The following LAMC1 variants were observed in gnomAD, a reference collection of about 807,000 sequenced individuals.
The protein encoded by LAMC1 is laminin subunit gamma 1.
Under a neutral mutation model 173.6 loss-of-function variants are expected in LAMC1, and 38 were observed. The ratio of observed to expected loss-of-function variants is 0.22; its 90% CI spans 0.17 to 0.29. The LOEUF (loss-of-function observed/expected upper bound fraction) is 0.29, where lower values mean the gene tolerates loss of function less well. Ranked by LOEUF, LAMC1 falls within the 10% of genes least tolerant of loss-of-function variation. LAMC1 has a pLI of 1.00. For synonymous variants in LAMC1, 746 were observed against 749.1 expected (o/e 1.00, Z 0.07); for missense variants, 1,824 against 2,051.8 (o/e 0.89, Z 2.14).
rs1020621795 is a variant in LAMC1, at chr1:183,122,142, A to G, written c.2292A>G (p.Ala764=). The G allele has an allele frequency of 7.4e-6, 12 of 1,614,092 alleles. No homozygotes were observed. The highest frequency in any genetic ancestry group is 5.0e-5 in the Admixed American group (3 of 60,008). Reference sequence around the variant, plus strand: ...ATGGGTACTATGGAGATTCAACTGCAGGCACCTCCTCCGATTGCCAACCCT... The same window carrying G: ...ATGGGTACTATGGAGATTCAACTGCGGGCACCTCCTCCGATTGCCAACCCT... ...CSDGYYGDST[A]GTSSDCQPCP... is the part of the protein sequence containing the mutation. Residue 764 remains alanine (A), a synonymous_variant, in exon 13 of 28, where the codon GCA becomes GCG. Transcript: ENST00000258341.
chr1:183,106,915 G>A (rs531748912), intron 2 of LAMC1, among the ~76,000 whole-genome samples: 1 of 152,218 alleles, frequency 6.6e-6, no homozygotes, highest in South Asian at 2.1e-4. Flanking sequence ...TGTACCCTCG[G>A]CTGAAACCAG....
chr1:183,078,918 C>A (rs1655188227), intron 1 of LAMC1, among the ~76,000 whole-genome samples: 1 of 152,026 alleles, frequency 6.6e-6, no homozygotes, highest in Admixed American at 6.6e-5. Flanking sequence ...TCGCTTGAAC[C>A]CAGGAGGCAG....
In LAMC1 at chr1:183,110,512, C is replaced by T. The variant is rs755836526; in HGVS notation, c.879C>T (p.Ser293=). 15 of 1,612,622 alleles carry T rather than the reference C, an allele frequency of 9.3e-6. No individual in the cohort carries two copies. Among genetic ancestry groups the T allele is most frequent in the East Asian group, 2.2e-5 (1 of 44,846 alleles). Reference sequence around the variant, plus strand: ...GATGTAAATGTAATGGACACGCAAGCGAGTGTATGAAGAACGAATTTGATA... The same window carrying T: ...GATGTAAATGTAATGGACACGCAAGTGAGTGTATGAAGAACGAATTTGATA... The part of the protein sequence containing the change: ...GGRCKCNGHA[S]ECMKNEFDKL... Residue 293 remains serine (S), a synonymous_variant, in exon 4 of 28, where the codon AGC becomes AGT. Transcript: ENST00000258341.
At chr1:183,061,520 G>T (rs1234483041) in intron 1 of LAMC1, among the ~76,000 whole-genome samples, 2 of 152,018 alleles carry the variant, frequency 1.3e-5, no homozygotes, top group Non-Finnish European at 2.9e-5. Flanking sequence ...GGTTGTTGTT[G>T]ATAGTGCTTT....
chr1:183,072,756 T>C (rs1372782652), intron 1 of LAMC1, among the ~76,000 whole-genome samples: 1 of 152,210 alleles, frequency 6.6e-6, no homozygotes, highest in Non-Finnish European at 1.5e-5. Flanking sequence ...TGGCCTGAGC[T>C]CTGCCTTCTG....
chr1:183,079,324 A>G (rs1485426181), intron 1 of LAMC1, among the ~76,000 whole-genome samples: 10 of 129,842 alleles, frequency 7.7e-5, no homozygotes, highest in Non-Finnish European at 3.1e-5. Flanking sequence ...GTGTGATCTC[A>G]GCTCACTGCA....
intron 1 of LAMC1, among the ~76,000 whole-genome samples, chr1:183,039,986 A>G (rs909135482): frequency 6.6e-6 from 1 of 152,154 alleles, no homozygotes; most frequent in Non-Finnish European, 1.5e-5. Context: ...CTGTGAGAGG[A>G]GAGGCTGCTT....
intron 1 of LAMC1, among the ~76,000 whole-genome samples, chr1:183,041,673 C>G (rs1654136437): frequency 6.6e-6 from 1 of 152,084 alleles, no homozygotes; most frequent in Non-Finnish European, 1.5e-5. Context: ...CTGCATAGTA[C>G]CGGAGACAGG....
At chr1:183,122,018 A>ATAC in intron 12 of LAMC1, 45 bp from the exon 13 acceptor site, 1 of 1,608,816 alleles carries the variant, frequency 6.2e-7, no homozygotes, top group Non-Finnish European at 8.5e-7. Context: ...ATTGTCTTAT[A>ATAC]TACTTGTACA....
intron 11 of LAMC1, among the ~76,000 whole-genome samples, chr1:183,119,454 A>G (rs1656410778): frequency 6.6e-6 from 1 of 152,224 alleles, no homozygotes; most frequent in Non-Finnish European, 1.5e-5. Context: ...ATGGGCAATA[A>G]TTTTTAAACT....
chr1:183,086,729 A>G (rs2102055473), intron 1 of LAMC1, among the ~76,000 whole-genome samples: 1 of 152,368 alleles, frequency 6.6e-6, no homozygotes, highest in Admixed American at 6.5e-5. Context: ...GACTCGACTG[A>G]GTACAGAATA....
chr1:183,098,089 C>T lies in LAMC1; in HGVS notation c.419-5239C>T, dbSNP rs527923845. On this transcript the variant is annotated intron_variant, in intron 1 of 27. Coordinates refer to ENST00000258341, the MANE Select transcript of LAMC1 (RefSeq NM_002293.4). ...CCATACTGTCTACTTTCACTTGCTC[C>T]CGCAGCATGTTGATAATCTAGTAGT... 1.2e-4 allele frequency among the ~76,000 whole-genome samples: 18 copies of T among 152,210 alleles called. No homozygotes were observed. The South Asian group carries it at 3.3e-3, about 28-fold the overall frequency.
At position 183,117,751 on chromosome 1, in the gene LAMC1, A is replaced by T. The variant is rs1656363147; in HGVS notation, c.1877+28A>T. 3.2e-6 allele frequency: 5 copies of T among 1,577,034 alleles called. No homozygotes were observed. In the East Asian group the frequency reaches 1.1e-4, roughly 35 times the overall value. On this transcript the variant is annotated intron_variant, in intron 10 of 27. Transcript: ENST00000258341. The stretch of plus-strand genomic sequence containing the variant: ...AAGATAGCCTTCTTTGTAAAGTGAG[A>T]CTTGACGAACATTGTGAAAGTGGTG...
intron 6 of LAMC1, among the ~76,000 whole-genome samples, chr1:183,115,955 C>T (rs139828630): frequency 0.012 from 1,779 of 151,824 alleles, 29 homozygotes; most frequent in African/African-American, 0.038. Flanking sequence ...GGTGAAACCC[C>T]GTCTATACTA....
At position 183,132,551 on chromosome 1, in the gene LAMC1, G is replaced by A. The variant is rs12095664; in HGVS notation, c.3704+14G>A. ...GCTTAATAGGAAGTGAGTATAATTT[G>A]AAAGTGGTTTACACCCCTTCAGGTG... is the stretch of plus-strand genomic sequence containing the variant. On this transcript the variant is annotated intron_variant, in intron 21 of 27. Coordinates refer to ENST00000258341, the MANE Select transcript of LAMC1 (RefSeq NM_002293.4). The A allele has an allele frequency of 0.57, 910,627 of 1,605,040 alleles. 261,863 individuals are homozygous for A. The highest frequency in any genetic ancestry group is 0.66 in the Admixed American group (39,611 of 59,794).
chr1:183,140,335 T>C, intron 26 of LAMC1, 69 bp from the exon 27 acceptor site: 2 of 896,696 alleles, frequency 2.2e-6, no homozygotes, highest in South Asian at 3.9e-5. Context: ...TGTTGGGTCA[T>C]TGGGAAAAAA....
chr1:183,113,536 A>G (rs1558052053), intron 4 of LAMC1, among the ~76,000 whole-genome samples: 1 of 152,192 alleles, frequency 6.6e-6, no homozygotes, highest in Non-Finnish European at 1.5e-5. Context: ...ATAGTAAGGA[A>G]TTTTTGTGAC....
chr1:183,124,030 G>C (rs1363417008), intron 13 of LAMC1, among the ~76,000 whole-genome samples: 1 of 152,124 alleles, frequency 6.6e-6, no homozygotes, highest in Non-Finnish European at 1.5e-5. Context: ...CTCTCTACCT[G>C]TCACTTCTTT....
At chr1:183,078,950 G>A (rs1375978489) in intron 1 of LAMC1, among the ~76,000 whole-genome samples, 3 of 152,036 alleles carry the variant, frequency 2.0e-5, no homozygotes, top group East Asian at 1.9e-4. Context: ...AGCCAAGATT[G>A]CACCTTTGCA....
Sources: gnomAD v4.1 joint callset for allele counts (sites outside exome capture counted in the v4.1 genomes callset) on GRCh38, gnomAD v4.1.1 for gene constraint, MANE v1.5 for transcripts, NCBI Gene and HGNC (gene_info 2026-07-23, HGNC 2026-07-21) for gene names.